Variants in GAA observed in about 807,000 individuals in gnomAD.
GAA encodes the protein alpha glucosidase.
Under a neutral mutation model 103.9 loss-of-function variants are expected in GAA, and 88 were observed. The observed-to-expected ratio is 0.85, with a 90% CI of 0.71 to 1.01. The LOEUF is 1.01. Among genes scored for constraint, GAA ranks in the 50% least tolerant of loss-of-function variants. The pLI, the probability that GAA is intolerant of heterozygous loss-of-function variation, is 0.00. For synonymous variants in GAA, 572 were observed against 563.1 expected, an observed-to-expected ratio of 1.02 and a Z score of -0.22; for missense variants, 1,350 against 1,305.3, an observed-to-expected ratio of 1.03 and a Z score of -0.53.
chr17:80,112,196 G>A (rs1290097184), intron 12 of GAA, 96 bp downstream of exon 12: 1 of 1,267,614 alleles, frequency 7.9e-7, no homozygotes, highest in Non-Finnish European at 1.1e-6. Flanking sequence ...GAAAAGCGGA[G>A]GCCCAGACCA....
Position 80,119,499 on chromosome 17 carries a change from G to A in GAA, c.*168G>A, listed in dbSNP as rs1379543693. 4.4e-6 allele frequency: 3 copies of A among 680,330 alleles called. No homozygotes were observed. The allele number at this position is 680,330 out of a possible 1,614,324, so 42.1% of individuals were successfully genotyped here. On this transcript the variant is annotated 3_prime_UTR_variant, in exon 20 of 20. Coordinates refer to ENST00000302262, the MANE Select transcript of GAA (RefSeq NM_000152.5). The stretch of plus-strand genomic sequence containing the variant: ...CGCTTGTTTCCACCTCCTGGGCCGG[G>A]GCTCTGGCCCCCAACGTGTCTAGGA...
chr17:80,119,589 T>G lies in GAA; in HGVS notation c.*258T>G, dbSNP rs2039438841. On this transcript the variant is annotated 3_prime_UTR_variant, in exon 20 of 20. Coordinates refer to ENST00000302262, the MANE Select transcript of GAA (RefSeq NM_000152.5). ...GAGGGCTGCTCTGTGTTAATAAGAT[T>G]GTAAGGTTTGCCCTCCTCACCTGTT... is the stretch of plus-strand genomic sequence containing the variant. 2.0e-6 allele frequency: 1 copy of G among 492,750 alleles called. No homozygotes were observed. Among genetic ancestry groups the G allele is most frequent in the South Asian group, 2.0e-5 (1 of 49,568 alleles). 30.5% of individuals were successfully genotyped at this position (492,750 alleles called of 1,614,324 possible). A position where few individuals can be genotyped will look rare whatever the true frequency, so the allele number is the denominator to read the frequency against.
At position 80,107,817 on chromosome 17, in the gene GAA, C is replaced by T. The variant is rs763216519; in HGVS notation, c.876C>T (p.Tyr292=). ...DLAPTPGANL[Y]GSHPFYLALE... ...TGTCCCAGCCCGGTGCGAACCTCTA[C>T]GGGTCTCACCCTTTCTACCTGGCGC... is the stretch of plus-strand genomic sequence containing the variant. Residue 292 remains tyrosine, a synonymous_variant, in exon 5 of 20, where the codon TAC becomes TAT. Coordinates refer to ENST00000302262, the MANE Select transcript of GAA (RefSeq NM_000152.5). The T allele has an allele frequency of 1.1e-5, 17 of 1,611,820 alleles. No homozygotes were observed. Among genetic ancestry groups the T allele is most frequent in the East Asian group, 2.2e-5 (1 of 44,832 alleles).
intron 6 of GAA, 29 bp downstream of exon 6, chr17:80,108,438 C>A (rs769882008): frequency 5.0e-6 from 8 of 1,613,086 alleles, no homozygotes; most frequent in Non-Finnish European, 6.8e-6. Context: ...CCGCGGCCCC[C>A]GCCCCAAGGC....
rs768078324 is a variant in GAA at position 80,104,856 on chromosome 17, C to T, written c.270C>T (p.Phe90=). 43 of 1,612,836 alleles carry T rather than the reference C, an allele frequency of 2.7e-5. No homozygotes were observed. In the East Asian group the frequency reaches 3.6e-4, roughly 13 times the overall value. ...GCGACGTCCCCCCCAACAGCCGCTT[C>T]GATTGCGCCCCTGACAAGGCCATCA... is the stretch of plus-strand genomic sequence containing the variant. ...TQCDVPPNSR[F]DCAPDKAITQ... is the part of the protein sequence containing the mutation. Residue 90 remains phenylalanine (F), a synonymous_variant, in exon 2 of 20, where the codon TTC becomes TTT. Coordinates refer to ENST00000302262, the MANE Select transcript of GAA (RefSeq NM_000152.5). This position sits in a 1 kb window ranked among gnomAD's most constrained non-coding sequence, Gnocchi z 4.0.
In GAA at chr17:80,108,572, G is replaced by C; in HGVS notation, c.1159G>C (p.Val387Leu). 1 of 1,612,924 alleles carries C rather than the reference G, an allele frequency of 6.2e-7. No individual in the cohort carries two copies. Among genetic ancestry groups the C allele is most frequent in the Non-Finnish European group, 8.5e-7 (1 of 1,179,910 alleles). ...GYSSTAITRQ[V>L]VENMTRAHFP... ...CTCCTCCACCGCTATCACCCGCCAG[G>C]TGGTGGAGAACATGACCAGGGCCCA... The change falls in exon 7 of 20, where the codon GTG (valine) becomes CTG (leucine). Residue 387 changes from valine to leucine, a missense_variant. Transcript: ENST00000302262.
At chr17:80,118,055 C>T in intron 17 of GAA, 138 bp from the exon 18 acceptor site, 1 of 1,016,842 alleles carries the variant, frequency 9.8e-7, no homozygotes, top group Non-Finnish European at 1.4e-6. Flanking sequence ...GGGGTTCCAG[C>T]CCCTGCGGCC....
At chr17:80,109,160 G>A (rs895486274) in intron 8 of GAA, among the ~76,000 whole-genome samples, 1 of 152,072 alleles carries the variant, frequency 6.6e-6, no homozygotes, top group African/African-American at 2.4e-5. Context: ...CTGGGCATGG[G>A]TATCGCTGGA....
rs750030887 is a variant in GAA at position 80,108,305 on chromosome 17, C to T, written c.971C>T (p.Pro324Leu). 20 of 1,613,588 alleles carry T rather than the reference C, an allele frequency of 1.2e-5. No homozygotes were observed. Among genetic ancestry groups the T allele is most frequent in the South Asian group, 5.5e-5 (5 of 91,074 alleles). The change falls in exon 6 of 20, where the codon CCG (proline) becomes CTG (leucine). Residue 324 changes from proline (P) to leucine (L), a missense_variant. Pro to Leu is a moderately conservative substitution (Grantham distance 98). Transcript: ENST00000302262. Reference protein sequence around the residue: ...NSNAMDVVLQPSPALSWRSTG... With the variant: ...NSNAMDVVLQLSPALSWRSTG... ...TCCCTTCCAGATGTGGTCCTGCAGC[C>T]GAGCCCTGCCCTTAGCTGGAGGTCG...
intron 15 of GAA, 80 bp downstream of exon 15, chr17:80,113,446 T>C (rs556647428): frequency 7.6e-7 from 1 of 1,323,774 alleles, no homozygotes; most frequent in Admixed American, 2.6e-5. Flanking sequence ...CCTGTCCTGC[T>C]GTGGGCTGTG....
Position 80,111,025 on chromosome 17 carries a change from G to A in GAA, c.1636G>A (p.Gly546Arg). 1 of 1,613,574 alleles carries A rather than the reference G, an allele frequency of 6.2e-7. No homozygotes were observed. The highest frequency in any genetic ancestry group is 8.5e-7 in the Non-Finnish European group (1 of 1,179,864). The change falls in exon 11 of 20, where the codon GGG (glycine) becomes AGG (arginine). Residue 546 changes from glycine (G) to arginine (R), a missense_variant and splice_region_variant. Gly to Arg is a moderately radical substitution (Grantham distance 125). Transcript: ENST00000302262. ...GCTGGAGAACCCACCCTACGTGCCTGGTCAGCTCGCCCCCCACCTACCCTG... is the reference window on the plus strand; with the variant it reads ...GCTGGAGAACCCACCCTACGTGCCTAGTCAGCTCGCCCCCCACCTACCCTG... ...NELENPPYVP[G>R]VVGGTLQAAT... is the part of the protein sequence containing the mutation.
intron 18 of GAA, 61 bp from the exon 19 acceptor site, chr17:80,118,592 C>A (rs2039411896): frequency 3.8e-6 from 6 of 1,595,644 alleles, no homozygotes; most frequent in Non-Finnish European, 4.3e-6. Flanking sequence ...GTGTTCCTGC[C>A]CCAGCTGTCT....
chr17:80,112,521 A>C, intron 12 of GAA, 57 bp from the exon 13 acceptor site: 2 of 1,607,040 alleles, frequency 1.2e-6, no homozygotes, highest in African/African-American at 1.3e-5. Flanking sequence ...TGCTGGTGAC[A>C]GGGTTCCCGA....
At chr17:80,112,781 C>T in intron 13 of GAA, 70 bp downstream of exon 13, 5 of 1,574,870 alleles carry the variant, frequency 3.2e-6, no homozygotes, top group Non-Finnish European at 4.3e-6. Context: ...CTTGCCGGGG[C>T]CCCCCACCCA....
chr17:80,112,467 G>C, intron 12 of GAA, 111 bp from the exon 13 acceptor site: 1 of 1,383,110 alleles, frequency 7.2e-7, no homozygotes, highest in Non-Finnish European at 1.0e-6. Context: ...CTCCTCCCCA[G>C]CCTCTGCCTC....
intron 3 of GAA, among the ~76,000 whole-genome samples, chr17:80,106,099 G>A (rs2039080753): frequency 1.3e-5 from 2 of 152,190 alleles, no homozygotes; most frequent in African/African-American, 4.8e-5. Context: ...ATGTAAACAC[G>A]TGTTCAGGAC....
chr17:80,105,600 AG>A, intron 2 of GAA, 148 bp from the exon 3 acceptor site: 1 of 904,640 alleles, frequency 1.1e-6, no homozygotes, highest in Non-Finnish European at 1.7e-6. Flanking sequence ...CAGATGAGGG[AG>A]CCGAGGCTCA....
At chr17:80,108,117 C>T (rs892992366) in intron 5 of GAA, among the ~76,000 whole-genome samples, 173 bp from the exon 6 acceptor site, 7 of 152,204 alleles carry the variant, frequency 4.6e-5, no homozygotes, top group Admixed American at 3.9e-4. Flanking sequence ...CATATCTTTC[C>T]GTCCCATGCC....
At chr17:80,113,559 G>A (rs982898976) in intron 15 of GAA, among the ~76,000 whole-genome samples, 193 bp downstream of exon 15, 10 of 152,344 alleles carry the variant, frequency 6.6e-5, no homozygotes, top group East Asian at 5.8e-4. Flanking sequence ...CAGACAGGCC[G>A]TAGTACACAC....
Sources: gnomAD v4.1 joint callset for allele counts (sites outside exome capture counted in the v4.1 genomes callset) on GRCh38, gnomAD v4.1.1 for gene constraint, Gnocchi (gnomAD v3.1) non-coding constraint, MANE v1.5 for transcripts, NCBI Gene and HGNC (gene_info 2026-07-23, HGNC 2026-07-21) for gene names.